CEP295: variants seen among roughly 807,000 people sequenced by gnomAD.
CEP295 encodes centrosomal protein 295, also known as centrosomal protein of 295 kDa.
In CEP295, 190 loss-of-function variants were observed where a neutral mutation model predicts 291.6. That is an observed-to-expected ratio of 0.65 (90% CI 0.58 to 0.73). The LOEUF (loss-of-function observed/expected upper bound fraction) is 0.73. Among genes scored for constraint, CEP295 ranks in the 30% least tolerant of loss-of-function variants. The pLI, the probability that CEP295 is intolerant of heterozygous loss-of-function variation, is 0.00. For missense variants in CEP295, 2,863 were observed against 2,949.4 expected, an observed-to-expected ratio of 0.97 and a Z score of 0.68; for synonymous variants, 993 against 1,038.8, an observed-to-expected ratio of 0.96 and a Z score of 0.85.
rs765429712 is a variant in CEP295 at position 93,728,841 on chromosome 11, CTATTT to C, written c.7302+25_7302+29del. 2 of 1,521,206 alleles carry C rather than the reference CTATTT, an allele frequency of 1.3e-6. No homozygotes were observed. Among genetic ancestry groups the C allele is most frequent in the South Asian group, 1.3e-5 (1 of 79,824 alleles). 94.2% of individuals were successfully genotyped at this position (1,521,206 alleles called of 1,614,324 possible). On this transcript the variant is annotated intron_variant, in intron 25 of 29. Transcript: ENST00000325212. The stretch of plus-strand genomic sequence containing the variant: ...TTTCAGGTAAATTTAAGCTTTCCTT[CTATTT>C]TATTCTATTACAAGCAAACCAGTTG...
chr11:93,702,944 A>G, intron 17 of CEP295, 25 bp downstream of exon 17: 2 of 1,516,370 alleles, frequency 1.3e-6, no homozygotes, highest in Non-Finnish European at 1.8e-6. Context: ...TGATAAAACA[A>G]GATTTTTAAA....
intron 20 of CEP295, 122 bp from the exon 21 acceptor site, chr11:93,722,919 G>A (rs551757736): frequency 1.2e-5 from 8 of 695,370 alleles, no homozygotes; most frequent in East Asian, 1.1e-4. Flanking sequence ...CCATGTTGGC[G>A]AGATGGTCTC....
intron 1 of CEP295, among the ~76,000 whole-genome samples, chr11:93,665,970 G>A (rs1385921913): frequency 6.6e-6 from 1 of 152,164 alleles, no homozygotes; most frequent in Non-Finnish European, 1.5e-5. Flanking sequence ...GTTCTAAAGT[G>A]TCAGATTATA....
chr11:93,698,175 A>G lies in CEP295; in HGVS notation c.3263A>G (p.Asp1088Gly). ...QVELLLHRQR[D>G]LGDSKSGLVS... ...GAATTACTTTTACATAGACAAAGAGATTTGGGGGACAGTAAGTCTGGGCTG... is the reference window on the plus strand; with the variant it reads ...GAATTACTTTTACATAGACAAAGAGGTTTGGGGGACAGTAAGTCTGGGCTG... Residue 1088 changes from aspartate to glycine, a missense_variant, in exon 15 of 30, where the codon GAT (aspartate) becomes GGT (glycine). Physicochemically the swap from Asp to Gly is moderately conservative, Grantham distance 94. Transcript: ENST00000325212. 2 of 1,552,076 alleles carry G rather than the reference A, an allele frequency of 1.3e-6. No homozygotes were observed. The highest frequency in any genetic ancestry group is 1.7e-6 in the Non-Finnish European group (2 of 1,147,052).
chr11:93,730,265 G>A lies in CEP295; in HGVS notation c.7802G>A (p.Cys2601Tyr). The change falls in exon 30 of 30, where the codon TGC (cysteine) becomes TAC (tyrosine). Residue 2601 changes from cysteine to tyrosine, a missense_variant. Cys to Tyr is a radical substitution (Grantham distance 194). Around this residue, in one of 3 missense-constraint regions of CEP295, gnomAD observed 2,295 missense variants for 2,335.7 expected, o/e 0.98. Transcript: ENST00000325212. Reference sequence around the variant, plus strand: ...GAGAAACTTCGAGCCAAAAATACATGCTGACTTTCTAGAAATAGTGTAAAG... The same window carrying A: ...GAGAAACTTCGAGCCAAAAATACATACTGACTTTCTAGAAATAGTGTAAAG... Reference protein sequence around the residue: ...TLEKLRAKNTC With the variant: ...TLEKLRAKNTY 1 of 1,547,200 alleles carries A rather than the reference G, an allele frequency of 6.5e-7. No individual in the cohort carries two copies. The highest frequency in any genetic ancestry group is 1.2e-5 in the South Asian group (1 of 83,974).
At chr11:93,680,631 C>T (rs1950915532) in intron 7 of CEP295, among the ~76,000 whole-genome samples, 1 of 152,144 alleles carries the variant, frequency 6.6e-6, no homozygotes, top group Admixed American at 6.5e-5. Context: ...ACCCTGGTGA[C>T]AGAGTGAGAT....
rs1051814721 is a variant in CEP295 at position 93,705,130 on chromosome 11, T to G, written c.5597-1615T>G. On this transcript the variant is annotated intron_variant, in intron 17 of 29. Coordinates refer to ENST00000325212, the MANE Select transcript of CEP295 (RefSeq NM_033395.2). ...ACTACTTCAGTTAAATACCTCTCAA[T>G]ATAATGTAGTTTGTACTATTTTCTC... Among the ~76,000 whole-genome samples the G allele has an allele frequency of 3.3e-5, 5 of 152,314 alleles. 1 individual carries two copies. The highest frequency in any genetic ancestry group is 6.8e-3 in the Middle Eastern group (2 of 294).
At chr11:93,668,540 G>A (rs1359703203) in intron 3 of CEP295, among the ~76,000 whole-genome samples, 4 of 151,930 alleles carry the variant, frequency 2.6e-5, no homozygotes, top group Admixed American at 6.6e-5. Context: ...TATATTTTAC[G>A]TACTTTAACC....
At chr11:93,667,524 T>C (rs1950247361) in intron 2 of CEP295, 83 bp from the exon 3 acceptor site, 1 of 935,546 alleles carries the variant, frequency 1.1e-6, no homozygotes, top group Non-Finnish European at 1.6e-6. Flanking sequence ...GAGAATTCAT[T>C]TGAGTTCCTC....
intron 18 of CEP295, among the ~76,000 whole-genome samples, chr11:93,708,739 A>G (rs533701573): frequency 1.1e-4 from 16 of 152,194 alleles, no homozygotes; most frequent in Non-Finnish European, 2.2e-4. Flanking sequence ...ACTGCTCTTC[A>G]TAGTGGCTGT....
chr11:93,728,926 A>G (rs1937846167), intron 25 of CEP295, 105 bp downstream of exon 25: 3 of 1,010,704 alleles, frequency 3.0e-6, no homozygotes, highest in Non-Finnish European at 4.2e-6. Flanking sequence ...TATGCTATGC[A>G]TTTAACTAAG....
chr11:93,696,444 T>C (rs1951847169), intron 14 of CEP295, 27 bp downstream of exon 14: 2 of 1,312,688 alleles, frequency 1.5e-6, no homozygotes. Context: ...AATTTATATG[T>C]GATCGTATGT....
chr11:93,726,463 A>G (rs1954149135), intron 23 of CEP295, among the ~76,000 whole-genome samples: 1 of 152,224 alleles, frequency 6.6e-6, no homozygotes, highest in Non-Finnish European at 1.5e-5. Context: ...GGCCAAGTAT[A>G]GTGGCTCACG....
At position 93,688,335 on chromosome 11, in the gene CEP295, A is replaced by G. The variant is rs117785479; in HGVS notation, c.1336+470A>G. Among the ~76,000 whole-genome samples the G allele has an allele frequency of 6.6e-3, 1,000 of 152,326 alleles. 5 individuals are homozygous for G. Among genetic ancestry groups the G allele is most frequent in the Non-Finnish European group, 0.011 (754 of 68,028 alleles). On this transcript the variant is annotated intron_variant, in intron 10 of 29. Coordinates refer to ENST00000325212, the MANE Select transcript of CEP295 (RefSeq NM_033395.2). ...TAATTTTAAATACTTTTCTGATTGGAAAAATAGGCTATTAACTATATTTCC... is the reference window on the plus strand; with the variant it reads ...TAATTTTAAATACTTTTCTGATTGGGAAAATAGGCTATTAACTATATTTCC...
chr11:93,679,095 G>T (rs530393820), intron 6 of CEP295, among the ~76,000 whole-genome samples: 1 of 152,020 alleles, frequency 6.6e-6, no homozygotes, highest in Non-Finnish European at 1.5e-5. Context: ...CACCCACCTC[G>T]GCCTCCCAAA....
At chr11:93,676,315 C>T (rs1353236268) in intron 6 of CEP295, among the ~76,000 whole-genome samples, 1 of 151,918 alleles carries the variant, frequency 6.6e-6, no homozygotes, top group African/African-American at 2.4e-5. Flanking sequence ...TTACCATAGC[C>T]TTTTCTGCAC....
chr11:93,715,596 G>T (rs1173057985), intron 18 of CEP295, among the ~76,000 whole-genome samples: 1 of 151,980 alleles, frequency 6.6e-6, no homozygotes, highest in Non-Finnish European at 1.5e-5. Context: ...AATATGCTGG[G>T]TCACACATGA....
intron 5 of CEP295, among the ~76,000 whole-genome samples, chr11:93,674,521 A>G (rs578222315): frequency 6.6e-6 from 1 of 152,220 alleles, no homozygotes; most frequent in African/African-American, 2.4e-5. Flanking sequence ...ATGCCACTGT[A>G]CTCTGGCCTT....
chr11:93,675,620 A>G lies in CEP295; in HGVS notation c.578A>G (p.Tyr193Cys). Residue 193 changes from tyrosine to cysteine, a missense_variant, in exon 6 of 30, where the codon TAC becomes TGC. Around this residue, in one of 3 missense-constraint regions of CEP295, gnomAD observed 554 missense variants for 576.0 expected, o/e 0.96. Transcript: ENST00000325212. ...ISAVKTNSST[Y>C]HHLHTFVNRE... is the part of the protein sequence containing the mutation. Reference sequence around the variant, plus strand: ...GCAGTCAAAACCAATAGTTCTACCTACCATCATCTTCACACTTTTGTGAAT... The same window carrying G: ...GCAGTCAAAACCAATAGTTCTACCTGCCATCATCTTCACACTTTTGTGAAT... The G allele has an allele frequency of 2.0e-6, 3 of 1,513,660 alleles. No homozygotes were observed. Among genetic ancestry groups the G allele is most frequent in the Non-Finnish European group, 8.8e-7 (1 of 1,133,710 alleles). 93.8% of individuals were successfully genotyped at this position (1,513,660 alleles called of 1,614,324 possible).
Sources: gnomAD v4.1 joint callset for allele counts (sites outside exome capture counted in the v4.1 genomes callset) on GRCh38, gnomAD v4.1.1 for gene constraint, gnomAD v4.1.1 regional missense constraint, MANE v1.5 for transcripts, NCBI Gene and HGNC (gene_info 2026-07-23, HGNC 2026-07-21) for gene names.